CD276: variants seen among roughly 807,000 people sequenced by gnomAD.
The protein encoded by CD276 is CD276 antigen.
A neutral mutation model predicts 50.0 loss-of-function variants in CD276; 34 were observed. The ratio of observed to expected loss-of-function variants is 0.68; its 90% CI spans 0.52 to 0.91. The LOEUF (loss-of-function observed/expected upper bound fraction) is 0.91. Among genes scored for constraint, CD276 ranks in the 40% least tolerant of loss-of-function variants. The probability of loss-of-function intolerance (pLI) is 0.00; values close to 1 mark genes in which losing one functional copy is unlikely to be tolerated. For missense variants in CD276, 634 were observed against 717.5 expected (o/e 0.88, Z 1.33); for synonymous variants, 275 against 313.0 (o/e 0.88, Z 1.28).
At chr15:73,709,550 C>G in intron 7 of CD276, 98 bp from the exon 8 acceptor site, 1 of 1,235,172 alleles carries the variant, frequency 8.1e-7, no homozygotes, top group Non-Finnish European at 1.2e-6. Flanking sequence ...CCACTCAGGC[C>G]CTGTTCACCA....
chr15:73,712,274 GTC>G (rs1900934953), intron 9 of CD276: 1 of 152,390 alleles, frequency 6.6e-6, no homozygotes, highest in Non-Finnish European at 1.5e-5. Context: ...TGCCCCCTCA[GTC>G]TCTGGCCATG....
chr15:73,708,454 CTG>C lies in CD276; in HGVS notation c.1488_1489del (p.Cys496Ter), dbSNP rs1382273712. On this transcript the variant is annotated frameshift_variant, in exon 7 of 10. Transcript: ENST00000318443. LOFTEE classifies it high-confidence loss of function. The part of the protein sequence containing the change: ...FVCWRKIKQS[C>X]EEENAGAEDQ... ...TGTGCTGGAGAAAGATCAAACAGAG[CTG>C]TGAGGAGGAGAATGCAGGTGAGTGT... 7 of 1,613,562 alleles carry C rather than the reference CTG, an allele frequency of 4.3e-6. No homozygotes were observed. The Admixed American group carries it at 5.0e-5, about 12-fold the overall frequency.
chr15:73,686,214 C>T (rs1275802545), intron 1 of CD276: 1 of 733,174 alleles, frequency 1.4e-6, no homozygotes, highest in Non-Finnish European at 1.7e-6. Flanking sequence ...CTTCCATGTC[C>T]TTATGGCATT....
chr15:73,695,576 C>G (rs755091337), intron 1 of CD276, among the ~76,000 whole-genome samples: 16 of 152,116 alleles, frequency 1.1e-4, no homozygotes, highest in Non-Finnish European at 2.2e-4. Context: ...TCTCTCTGCC[C>G]CTAGTACGTC....
rs199607809 is a variant in CD276 at position 73,711,211 on chromosome 15, A to G, written c.1582+41A>G. On this transcript the variant is annotated intron_variant, in intron 9 of 9. Coordinates refer to ENST00000318443, the MANE Select transcript of CD276 (RefSeq NM_001024736.2). ...CTTGAGGTTGTGTCTGTGTATGCACACATCTGTGTGTGAGAGGCTGAGAGG... is the reference window on the plus strand; with the variant it reads ...CTTGAGGTTGTGTCTGTGTATGCACGCATCTGTGTGTGAGAGGCTGAGAGG... 5 of 1,606,144 alleles carry G rather than the reference A, an allele frequency of 3.1e-6. No homozygotes were observed. The African/African-American group carries it at 6.7e-5, about 21-fold the overall frequency.
chr15:73,707,192 A>G (rs1900683245), intron 6 of CD276, among the ~76,000 whole-genome samples: 1 of 152,212 alleles, frequency 6.6e-6, no homozygotes, highest in African/African-American at 2.4e-5. Flanking sequence ...CGCGCACTGC[A>G]CTGACAGGGC....
rs1596000815 is a variant in CD276, at chr15:73,687,666, C to T, written c.-55+3206C>T. Among the ~76,000 whole-genome samples the T allele has an allele frequency of 6.6e-6, 1 of 152,188 alleles. No individual in the cohort carries two copies. The highest frequency in any genetic ancestry group is 1.5e-5 in the Non-Finnish European group (1 of 68,036). On this transcript the variant is annotated intron_variant, in intron 1 of 9. Transcript: ENST00000318443. The surrounding 1 kb of genome is among the most constrained non-coding windows in gnomAD (Gnocchi z 4.0). ...TTCCAGGAGTTCCCCCTCCACCCTCCAGTTCTGACCAGTGCTCCCAGCCAG... is the reference window on the plus strand; with the variant it reads ...TTCCAGGAGTTCCCCCTCCACCCTCTAGTTCTGACCAGTGCTCCCAGCCAG...
intron 1 of CD276, among the ~76,000 whole-genome samples, chr15:73,692,735 C>T (rs1372224341): frequency 1.3e-5 from 2 of 152,150 alleles, no homozygotes; most frequent in African/African-American, 4.8e-5. Context: ...CATGCATGGC[C>T]AATGCCTGGC....
In CD276 at chr15:73,691,269, T is replaced by C. The variant is rs538090566; in HGVS notation, c.-55+6809T>C. On this transcript the variant is annotated intron_variant, in intron 1 of 9. Transcript: ENST00000318443. ...CTTGTTTAAGTACCTAGGCAGTCTATGTGTGCAGCTTGCTTCAGGAATAGG... is the reference window on the plus strand; with the variant it reads ...CTTGTTTAAGTACCTAGGCAGTCTACGTGTGCAGCTTGCTTCAGGAATAGG... 7.0e-4 allele frequency among the ~76,000 whole-genome samples: 106 copies of C among 152,234 alleles called. No individual in the cohort carries two copies. The Middle Eastern group carries it at 0.01, about 15-fold the overall frequency.
At chr15:73,711,244 G>C in intron 9 of CD276, 74 bp downstream of exon 9, 3 of 1,519,296 alleles carry the variant, frequency 2.0e-6, no homozygotes, top group Non-Finnish European at 2.7e-6. Flanking sequence ...AGGGTGGGTA[G>C]GCATCATCCT....
chr15:73,700,258 A>C (rs78217166), intron 2 of CD276, among the ~76,000 whole-genome samples: 1,817 of 152,306 alleles, frequency 0.012, 52 homozygotes, highest in African/African-American at 0.042. Context: ...TAGGTGCCCA[A>C]TAACTGTGTA....
intron 7 of CD276, 60 bp from the exon 8 acceptor site, chr15:73,709,588 G>A (rs1900807754): frequency 6.4e-7 from 1 of 1,561,162 alleles, no homozygotes. Context: ...GTGGGAAAGT[G>A]CTGGCATGAA....
At chr15:73,689,187 C>CCT (rs1294076003) in intron 1 of CD276, among the ~76,000 whole-genome samples, 17 of 104,114 alleles carry the variant, frequency 1.6e-4, no homozygotes, top group Non-Finnish European at 3.1e-4. Context: ...CTCTGTGCCT[C>CCT]CTGTGTGTGT....
Position 73,687,103 on chromosome 15 carries a change from A to C in CD276, c.-55+2643A>C, listed in dbSNP as rs1899801252. ...AAATTGCCTTTGGTCTTGTTGGCTC[A>C]GAATGGACCCCACACCTGGAAGGGG... On this transcript the variant is annotated intron_variant, in intron 1 of 9. Transcript: ENST00000318443. This position sits in a 1 kb window ranked among gnomAD's most constrained non-coding sequence, Gnocchi z 4.0. Among the ~76,000 whole-genome samples, 1 of 152,172 alleles carries C rather than the reference A, an allele frequency of 6.6e-6. No individual in the cohort carries two copies. The highest frequency in any genetic ancestry group is 2.4e-5 in the African/African-American group (1 of 41,426).
intron 7 of CD276, chr15:73,708,723 T>C (rs1049455419): frequency 9.5e-6 from 5 of 525,568 alleles, no homozygotes; most frequent in Non-Finnish European, 3.4e-6. Flanking sequence ...GTGGTGGGAG[T>C]GTAAGGCCAA....
intron 1 of CD276, among the ~76,000 whole-genome samples, chr15:73,685,453 T>TTGTGTGTGTGTGTG (rs55859831): frequency 1.4e-4 from 18 of 131,924 alleles, no homozygotes; most frequent in South Asian, 1.1e-3. Flanking sequence ...CAAAAAAGAT[T>TTGTGTGTGTGTGTG]TGTGTGTGTG....
chr15:73,713,279 T>C lies in CD276; in HGVS notation c.*323T>C, dbSNP rs1900984630. On this transcript the variant is annotated 3_prime_UTR_variant, in exon 10 of 10. Coordinates refer to ENST00000318443, the MANE Select transcript of CD276 (RefSeq NM_001024736.2). ...CAGTACACTGACCACATCACCACCC[T>C]CTTCTTCCAGTGCTGCGTGGACCAT... The C allele has an allele frequency of 5.6e-6, 2 of 357,114 alleles. No homozygotes were observed. Among genetic ancestry groups the C allele is most frequent in the South Asian group, 9.3e-5 (2 of 21,412 alleles). 22.1% of individuals were successfully genotyped at this position (357,114 alleles called of 1,614,324 possible).
chr15:73,690,084 C>T (rs1899929455), intron 1 of CD276, among the ~76,000 whole-genome samples: 1 of 152,258 alleles, frequency 6.6e-6, no homozygotes, highest in Non-Finnish European at 1.5e-5. Flanking sequence ...GTTGCATTCA[C>T]TCTCAGGCAT....
intron 1 of CD276, among the ~76,000 whole-genome samples, chr15:73,692,922 C>G (rs1900041894): frequency 6.6e-6 from 1 of 152,176 alleles, no homozygotes; most frequent in Admixed American, 6.5e-5. Context: ...GAAGAAGAGC[C>G]CACTAGTAGG....
Sources: gnomAD v4.1 joint callset for allele counts (sites outside exome capture counted in the v4.1 genomes callset) on GRCh38, gnomAD v4.1.1 for gene constraint, Gnocchi (gnomAD v3.1) non-coding constraint, MANE v1.5 for transcripts, NCBI Gene and HGNC (gene_info 2026-07-23, HGNC 2026-07-21) for gene names.